Variants in PIBF1 observed in about 807,000 individuals in gnomAD.
PIBF1 encodes the protein progesterone immunomodulatory binding factor 1.
A neutral mutation model predicts 112.5 loss-of-function variants in PIBF1; 90 were observed. The ratio of observed to expected loss-of-function variants is 0.80; its 90% CI spans 0.67 to 0.95. The LOEUF is 0.95. Ranked by LOEUF, PIBF1 falls within the 40% of genes least tolerant of loss-of-function variation. The pLI is 0.00. For missense variants in PIBF1, 915 were observed against 852.3 expected (o/e 1.07, Z -0.92); for synonymous variants, 301 against 288.6 (o/e 1.04, Z -0.44).
intron 13 of PIBF1, 27 bp from the exon 14 acceptor site, chr13:72,931,138 A>G: frequency 7.1e-7 from 1 of 1,398,620 alleles, no homozygotes; most frequent in Non-Finnish European, 1.0e-6. Flanking sequence ...ACTTTTAAGC[A>G]TTAATTTTCT....
intron 11 of PIBF1, among the ~76,000 whole-genome samples, chr13:72,899,467 C>T (rs578233437): frequency 3.4e-4 from 52 of 152,246 alleles, no homozygotes; most frequent in Non-Finnish European, 1.8e-4. Flanking sequence ...GATGGTTTAA[C>T]GTATGCAAGT....
intron 10 of PIBF1, among the ~76,000 whole-genome samples, chr13:72,857,312 AT>A (rs2038467892): frequency 6.6e-6 from 1 of 152,258 alleles, no homozygotes; most frequent in African/African-American, 2.4e-5. Flanking sequence ...GAATGTTTTT[AT>A]AATCTTGAAT....
At position 73,016,011 on chromosome 13, in the gene PIBF1, C is replaced by G. The variant is rs2044372446; in HGVS notation, c.*92C>G. ...AAATTCAGCTTAATCGTGTACTCAG[C>G]ATTTTTTAAATAACAATGTTTATTT... is the stretch of plus-strand genomic sequence containing the variant. On this transcript the variant is annotated 3_prime_UTR_variant, in exon 18 of 18. Transcript: ENST00000326291. 1 of 555,252 alleles carries G rather than the reference C, an allele frequency of 1.8e-6. No homozygotes were observed. The highest frequency in any genetic ancestry group is 1.9e-5 in the African/African-American group (1 of 51,558). 34.4% of individuals were successfully genotyped at this position (555,252 alleles called of 1,614,324 possible). A position where few individuals can be genotyped will look rare whatever the true frequency, so the allele number is the denominator to read the frequency against.
At chr13:72,841,055 A>G (rs10454655) in intron 9 of PIBF1, among the ~76,000 whole-genome samples, 4,245 of 152,350 alleles carry the variant, frequency 0.028, 79 homozygotes, top group Middle Eastern at 0.058. Flanking sequence ...AGTAGAAGAT[A>G]TAAAGACTTA....
chr13:72,818,241 A>G (rs1033123917), intron 5 of PIBF1, among the ~76,000 whole-genome samples: 3 of 152,166 alleles, frequency 2.0e-5, no homozygotes, highest in Non-Finnish European at 2.9e-5. Flanking sequence ...TTTGGAACTC[A>G]TCATCTGGAT....
intron 14 of PIBF1, among the ~76,000 whole-genome samples, chr13:72,950,929 T>C (rs542267897): frequency 1.3e-5 from 2 of 151,234 alleles, no homozygotes; most frequent in Admixed American, 1.3e-4. Flanking sequence ...CCACTGGGCA[T>C]GTAGGAGGCT....
rs571887907 is a variant in PIBF1, at chr13:72,861,438, A to G, written c.1322+7283A>G. ...ATTTTTGTCCTCATTTTGTATTAGT[A>G]CAAGGCCAAAATAAGAAGGCATGGG... On this transcript the variant is annotated intron_variant, in intron 10 of 17. Coordinates refer to ENST00000326291, the MANE Select transcript of PIBF1 (RefSeq NM_006346.4). Among the ~76,000 whole-genome samples, 50 of 152,276 alleles carry G rather than the reference A, an allele frequency of 3.3e-4. No homozygotes were observed. The South Asian group carries it at 9.7e-3, about 30-fold the overall frequency.
chr13:72,859,996 C>T (rs925315991), intron 10 of PIBF1, among the ~76,000 whole-genome samples: 12 of 152,110 alleles, frequency 7.9e-5, no homozygotes, highest in Non-Finnish European at 1.5e-4. Flanking sequence ...AGAATTGGGA[C>T]CACTGGGTAA....
chr13:72,912,152 C>A (rs145516470), intron 12 of PIBF1, among the ~76,000 whole-genome samples: 1 of 152,128 alleles, frequency 6.6e-6, no homozygotes, highest in Admixed American at 6.6e-5. Flanking sequence ...TCACACAGAA[C>A]CAGCCCTACA....
At chr13:72,822,010 A>T in intron 6 of PIBF1, 28 bp downstream of exon 6, 2 of 1,576,024 alleles carry the variant, frequency 1.3e-6, no homozygotes, top group South Asian at 2.4e-5. Flanking sequence ...CTGCAGTAGT[A>T]GTTCTCTATT....
chr13:72,801,192 G>A (rs751917005), intron 5 of PIBF1, among the ~76,000 whole-genome samples: 1 of 152,112 alleles, frequency 6.6e-6, no homozygotes, highest in Non-Finnish European at 1.5e-5. Context: ...ATGAAAAGTT[G>A]CAGGATTTTG....
At chr13:72,986,298 A>G (rs2043285937) in intron 16 of PIBF1, among the ~76,000 whole-genome samples, 1 of 152,228 alleles carries the variant, frequency 6.6e-6, no homozygotes, top group African/African-American at 2.4e-5. Context: ...TCAAGAAAAC[A>G]TGAATGTCAG....
chr13:72,922,782 C>T (rs1179295180), intron 13 of PIBF1, among the ~76,000 whole-genome samples: 1 of 152,082 alleles, frequency 6.6e-6, no homozygotes, highest in Non-Finnish European at 1.5e-5. Flanking sequence ...GAAACTTGTA[C>T]TCATTTCATT....
At chr13:72,830,051 G>C (rs2037025678) in intron 8 of PIBF1, among the ~76,000 whole-genome samples, 1 of 152,110 alleles carries the variant, frequency 6.6e-6, no homozygotes, top group Non-Finnish European at 1.5e-5. Flanking sequence ...GTTGTGAATG[G>C]GAGTTCACTC....
chr13:72,803,798 G>A (rs894187770), intron 5 of PIBF1, among the ~76,000 whole-genome samples: 1 of 152,156 alleles, frequency 6.6e-6, no homozygotes, highest in Non-Finnish European at 1.5e-5. Context: ...AATGAGGCTG[G>A]GGGAGGTTGA....
intron 2 of PIBF1, among the ~76,000 whole-genome samples, chr13:72,784,592 G>A (rs1185740610): frequency 2.6e-5 from 4 of 151,820 alleles, no homozygotes; most frequent in Non-Finnish European, 5.9e-5. Flanking sequence ...GACCACCCTT[G>A]CTACTAAAAA....
intron 16 of PIBF1, 28 bp downstream of exon 16, chr13:72,973,703 AATC>A (rs2042955780): frequency 7.6e-7 from 1 of 1,311,336 alleles, no homozygotes; most frequent in East Asian, 2.4e-5. Flanking sequence ...TCATAATTGT[AATC>A]ATTTTAGGCT....
intron 14 of PIBF1, among the ~76,000 whole-genome samples, chr13:72,947,359 T>G (rs956520878): frequency 1.3e-5 from 2 of 152,168 alleles, no homozygotes; most frequent in Non-Finnish European, 2.9e-5. Context: ...AGGGGGGCCC[T>G]GGGCCTGGCC....
intron 16 of PIBF1, among the ~76,000 whole-genome samples, chr13:72,991,797 C>A (rs538472580): frequency 6.6e-6 from 1 of 152,062 alleles, no homozygotes; most frequent in South Asian, 2.1e-4. Context: ...CGGCTCACTG[C>A]AACCTCCACC....
Sources: gnomAD v4.1 joint callset for allele counts (sites outside exome capture counted in the v4.1 genomes callset) on GRCh38, gnomAD v4.1.1 for gene constraint, MANE v1.5 for transcripts, NCBI Gene and HGNC (gene_info 2026-07-23, HGNC 2026-07-21) for gene names.